Variants in ZC3H12B observed in about 807,000 individuals in gnomAD.
ZC3H12B encodes the protein zinc finger CCCH-type containing 12B.
A neutral mutation model predicts 43.9 loss-of-function variants in ZC3H12B; 7 were observed. That is an observed-to-expected ratio of 0.16 (90% CI 0.09 to 0.30). The LOEUF is 0.30. Ranked by LOEUF, ZC3H12B falls within the 10% of genes least tolerant of loss-of-function variation. The pLI, the probability that ZC3H12B is intolerant of heterozygous loss-of-function variation, is 1.00. For synonymous variants in ZC3H12B, 222 were observed against 241.7 expected, an observed-to-expected ratio of 0.92 and a Z score of 0.76; for missense variants, 475 against 670.2, an observed-to-expected ratio of 0.71 and a Z score of 3.22.
chrX:65,401,502 T>C (rs190387791), intron 3 of ZC3H12B, among the ~76,000 whole-genome samples: 1 of 111,700 alleles, frequency 9.0e-6, no homozygotes, highest in African/African-American at 3.3e-5. Context: ...AAAAGCATTC[T>C]AGGTCATCAG....
At chrX:65,327,078 A>C in the ZC3H12B span, among the ~76,000 whole-genome samples, 1 of 111,402 alleles carries the variant, frequency 9.0e-6, no homozygotes, top group African/African-American at 3.3e-5. Context: ...CTCCTCAAGA[A>C]GCTAAAAATA....
exon 1 of ZC3H12B, chrX:65,488,796 A>AACG (rs2068163334): frequency 8.5e-7 from 1 of 1,171,621 alleles, no homozygotes; most frequent in African/African-American, 1.8e-5. Flanking sequence ...CGACCCACTA[A>AACG]ACGGGATGAC....
chrX:65,212,088 A>C, the ZC3H12B span, among the ~76,000 whole-genome samples: 1 of 59,870 alleles, frequency 1.7e-5, no homozygotes, highest in Non-Finnish European at 2.7e-5. Flanking sequence ...TATATATTGT[A>C]TAATATATAG....
chrX:65,298,198 C>G, the ZC3H12B span, among the ~76,000 whole-genome samples: 1 of 111,682 alleles, frequency 9.0e-6, no homozygotes, highest in Non-Finnish European at 1.9e-5. Flanking sequence ...AAACAATAAG[C>G]GGAGTAAACA....
chrX:65,115,380 A>T, the ZC3H12B span, among the ~76,000 whole-genome samples: 3 of 108,994 alleles, frequency 2.8e-5, no homozygotes, highest in African/African-American at 9.9e-5. Context: ...GAATGCCATT[A>T]TTTCATTCAT....
the ZC3H12B span, among the ~76,000 whole-genome samples, chrX:65,197,041 A>G: frequency 8.9e-6 from 1 of 112,182 alleles, no homozygotes; most frequent in Non-Finnish European, 1.9e-5. Context: ...GCTTGGCAGC[A>G]GGGAATTTCA....
chrX:65,505,045 G>C (rs1233725965), exon 5 of ZC3H12B: 6 of 112,068 alleles, frequency 5.4e-5, no homozygotes, highest in South Asian at 7.5e-4. Flanking sequence ...TCTTGCTCAG[G>C]GTGGAAAACT....
At chrX:65,263,471 T>C in the ZC3H12B span, among the ~76,000 whole-genome samples, 1 of 110,568 alleles carries the variant, frequency 9.0e-6, no homozygotes, top group Non-Finnish European at 1.9e-5. Flanking sequence ...ATTATAAAAA[T>C]GCATGGGATG....
rs781174103 is a variant in ZC3H12B, at chrX:65,502,813, C to T, written c.2115C>T (p.Ser705=). ...TGATGACTCGGATGGATAGCATTTC[C>T]GACTCCCGCCTCTATGAGAGCAACC... The change falls in exon 5 of 5, where the codon TCC becomes TCT. Residue 705 remains serine (S), a synonymous_variant. Coordinates refer to ENST00000338957, the Ensembl canonical transcript of ZC3H12B. 3.1e-5 allele frequency: 37 copies of T among 1,205,524 alleles called. 2 individuals are homozygous for T. In the Admixed American group the frequency reaches 7.0e-4, roughly 23 times the overall value.
chrX:65,065,683 C>T, the ZC3H12B span, among the ~76,000 whole-genome samples: 247 of 111,198 alleles, frequency 2.2e-3, 1 homozygote, highest in African/African-American at 7.0e-3. Flanking sequence ...ACTGAATGTT[C>T]GCCTGTCTTG....
chrX:65,244,556 G>T, the ZC3H12B span, among the ~76,000 whole-genome samples: 1 of 107,781 alleles, frequency 9.3e-6, no homozygotes, highest in East Asian at 2.9e-4. Context: ...ACCAGCCCGG[G>T]TAACATAGGT....
the ZC3H12B span, among the ~76,000 whole-genome samples, chrX:65,155,176 T>C: frequency 9.0e-6 from 1 of 110,642 alleles, no homozygotes; most frequent in Non-Finnish European, 1.9e-5. Flanking sequence ...CAGACTGGTC[T>C]TGAACTCTTG....
chrX:65,288,215 T>A, the ZC3H12B span, among the ~76,000 whole-genome samples: 5 of 110,896 alleles, frequency 4.5e-5, no homozygotes, highest in Non-Finnish European at 9.5e-5. Flanking sequence ...ATTCACTTAA[T>A]TCTACCAAAA....
At chrX:65,301,263 G>T in the ZC3H12B span, among the ~76,000 whole-genome samples, 2 of 111,596 alleles carry the variant, frequency 1.8e-5, no homozygotes, top group African/African-American at 6.5e-5. Flanking sequence ...AACCACTATG[G>T]AAAGTTGTAT....
the ZC3H12B span, among the ~76,000 whole-genome samples, chrX:65,058,058 C>A: frequency 1.8e-5 from 2 of 112,014 alleles, no homozygotes; most frequent in Non-Finnish European, 3.8e-5. Flanking sequence ...GAAGTTTGAT[C>A]GTCTAAAGCT....
chrX:65,166,087 G>A, the ZC3H12B span, among the ~76,000 whole-genome samples: 1 of 110,380 alleles, frequency 9.1e-6, no homozygotes, highest in Non-Finnish European at 1.9e-5. Context: ...GGGTACATGT[G>A]CACAATGCGC....
chrX:65,340,453 T>C, the ZC3H12B span, among the ~76,000 whole-genome samples: 2 of 111,864 alleles, frequency 1.8e-5, no homozygotes, highest in Non-Finnish European at 3.8e-5. Context: ...GGACCACCCA[T>C]CAGAGTGTAG....
the ZC3H12B span, among the ~76,000 whole-genome samples, chrX:65,121,648 C>A: frequency 9.0e-6 from 1 of 110,781 alleles, no homozygotes; most frequent in African/African-American, 3.3e-5. Flanking sequence ...TCTCTATTTC[C>A]TTCATTTCTG....
the ZC3H12B span, among the ~76,000 whole-genome samples, chrX:65,263,234 C>T: frequency 9.0e-6 from 1 of 111,380 alleles, no homozygotes; most frequent in Non-Finnish European, 1.9e-5. Context: ...GAGCAATTCA[C>T]AGACTAACAG....
Sources: allele counts gnomAD v4.1 joint callset (sites outside exome capture counted in the v4.1 genomes callset), GRCh38; gene constraint gnomAD v4.1.1; transcripts MANE v1.5; gene names NCBI Gene and HGNC (gene_info 2026-07-23, HGNC 2026-07-21).